HEMK2: variants seen among roughly 807,000 people sequenced by gnomAD.
HEMK2 encodes HemK methyltransferase 2, ETF1 glutamine and histone H4 lysine.
the HEMK2 span, among the ~76,000 whole-genome samples, chr21:28,759,333 C>T: frequency 6.6e-6 from 1 of 152,110 alleles, no homozygotes; most frequent in Non-Finnish European, 1.5e-5. Flanking sequence ...TTGCATGGGG[C>T]CTGTAGTCCC....
At chr21:28,737,590 G>C in the HEMK2 span, among the ~76,000 whole-genome samples, 1 of 134,408 alleles carries the variant, frequency 7.4e-6, no homozygotes, top group Non-Finnish European at 1.6e-5. Context: ...TCCATAGACT[G>C]TTAAAAAAAA....
the HEMK2 span, among the ~76,000 whole-genome samples, chr21:28,766,433 G>A: frequency 8.2e-6 from 1 of 121,682 alleles, no homozygotes; most frequent in South Asian, 2.4e-4. Context: ...AACCACTATG[G>A]AAAACAGTAT....
chr21:28,768,567 T>A, the HEMK2 span, among the ~76,000 whole-genome samples: 1 of 152,040 alleles, frequency 6.6e-6, no homozygotes. Context: ...TCTCCTCATG[T>A]TCAGCCTACC....
chr21:28,799,578 G>C, the HEMK2 span, among the ~76,000 whole-genome samples: 4 of 152,116 alleles, frequency 2.6e-5, no homozygotes, highest in Non-Finnish European at 5.9e-5. Flanking sequence ...AAACTTTGTA[G>C]ACAAAGAGCT....
At chr21:28,611,911 CAAA>C in the HEMK2 span, among the ~76,000 whole-genome samples, 450 of 71,934 alleles carry the variant, frequency 6.3e-3, 3 homozygotes, top group African/African-American at 0.021. Flanking sequence ...GACACCATCT[CAAA>C]AAAAAAAAAA....
At chr21:28,624,118 T>C in the HEMK2 span, among the ~76,000 whole-genome samples, 11 of 152,338 alleles carry the variant, frequency 7.2e-5, no homozygotes, top group East Asian at 2.1e-3. Context: ...TAATGTGTGT[T>C]CTGTTAGCTG....
the HEMK2 span, among the ~76,000 whole-genome samples, chr21:28,622,621 C>T: frequency 6.6e-6 from 1 of 152,008 alleles, no homozygotes; most frequent in Non-Finnish European, 1.5e-5. Context: ...GGTACTAGTA[C>T]CAAAACAGAT....
the HEMK2 span, among the ~76,000 whole-genome samples, chr21:28,767,950 AC>A: frequency 6.7e-6 from 1 of 148,630 alleles, no homozygotes; most frequent in African/African-American, 2.5e-5. Context: ...CCCTCCAGCG[AC>A]CCCCCTTTTT....
At chr21:28,620,217 G>A in the HEMK2 span, among the ~76,000 whole-genome samples, 4 of 152,120 alleles carry the variant, frequency 2.6e-5, no homozygotes, top group Non-Finnish European at 5.9e-5. Context: ...AGGGATATTG[G>A]CCTGAAATTT....
the HEMK2 span, among the ~76,000 whole-genome samples, chr21:28,666,888 A>T: frequency 6.6e-6 from 1 of 152,142 alleles, no homozygotes; most frequent in African/African-American, 2.4e-5. Context: ...ATATTATGGG[A>T]ACAAATAGAA....
the HEMK2 span, among the ~76,000 whole-genome samples, chr21:28,847,872 A>T: frequency 6.6e-6 from 1 of 152,206 alleles, no homozygotes; most frequent in Non-Finnish European, 1.5e-5. Context: ...TTTACAGAAG[A>T]GAGAGAGTCT....
the HEMK2 span, among the ~76,000 whole-genome samples, chr21:28,617,975 A>G: frequency 1.3e-5 from 2 of 152,114 alleles, no homozygotes; most frequent in Non-Finnish European, 2.9e-5. Flanking sequence ...GTTTGTAAAG[A>G]TGGAGTTTCA....
chr21:28,664,139 T>TA, the HEMK2 span, among the ~76,000 whole-genome samples: 2 of 152,220 alleles, frequency 1.3e-5, no homozygotes, highest in Non-Finnish European at 1.5e-5. Context: ...AATCTTTTAG[T>TA]AAGTTCTTTG....
the HEMK2 span, among the ~76,000 whole-genome samples, chr21:28,609,119 T>C: frequency 3.3e-5 from 5 of 152,078 alleles, no homozygotes; most frequent in African/African-American, 1.2e-4. Context: ...GTAACAAAAA[T>C]ACAACCAAGA....
chr21:28,657,289 G>C, the HEMK2 span, among the ~76,000 whole-genome samples: 1 of 151,974 alleles, frequency 6.6e-6, no homozygotes, highest in Non-Finnish European at 1.5e-5. Flanking sequence ...TAAGAAAAAG[G>C]AAGGTCAAAG....
At chr21:28,765,923 C>A in the HEMK2 span, among the ~76,000 whole-genome samples, 1 of 152,056 alleles carries the variant, frequency 6.6e-6, no homozygotes, top group South Asian at 2.1e-4. Flanking sequence ...CCACCATACT[C>A]CTGCAAGAAT....
chr21:28,648,998 A>G, the HEMK2 span, among the ~76,000 whole-genome samples: 3 of 141,638 alleles, frequency 2.1e-5, no homozygotes, highest in Admixed American at 2.3e-4. Flanking sequence ...ATGTGTTCTC[A>G]TGGTTCAATT....
the HEMK2 span, among the ~76,000 whole-genome samples, chr21:28,684,471 C>A: frequency 6.6e-6 from 1 of 152,236 alleles, no homozygotes; most frequent in South Asian, 2.1e-4. Context: ...TCTGTCATTA[C>A]GGTTTGGGAA....
At chr21:28,808,901 G>C in the HEMK2 span, among the ~76,000 whole-genome samples, 3 of 152,090 alleles carry the variant, frequency 2.0e-5, no homozygotes, top group Non-Finnish European at 4.4e-5. Flanking sequence ...TTAATTAAGA[G>C]AATGGTATTA....
Sources: gnomAD v4.1 joint callset for allele counts (sites outside exome capture counted in the v4.1 genomes callset) on GRCh38, gnomAD v4.1.1 for gene constraint, MANE v1.5 for transcripts, NCBI Gene and HGNC (gene_info 2026-07-23, HGNC 2026-07-21) for gene names.